FBXL7: variants seen among roughly 807,000 people sequenced by gnomAD.
FBXL7 encodes F-box/LRR-repeat protein 7.
In FBXL7, 12 loss-of-function variants were observed where a neutral mutation model predicts 38.3. The ratio of observed to expected loss-of-function variants is 0.31; its 90% CI spans 0.20 to 0.51. The LOEUF (loss-of-function observed/expected upper bound fraction) is 0.51, where lower values mean the gene tolerates loss of function less well. Among genes scored for constraint, FBXL7 ranks in the 20% least tolerant of loss-of-function variants. The pLI, the probability that FBXL7 is intolerant of heterozygous loss-of-function variation, is 0.98. For missense variants in FBXL7, 567 were observed against 676.4 expected (o/e 0.84, Z 1.79); for synonymous variants, 297 against 300.9 (o/e 0.99, Z 0.13).
At chr5:15,638,477 A>G (rs1257954072) in intron 2 of FBXL7, among the ~76,000 whole-genome samples, 1 of 152,170 alleles carries the variant, frequency 6.6e-6, no homozygotes, top group Non-Finnish European at 1.5e-5. Context: ...GAGAATCGGT[A>G]TTTAAATATA....
At chr5:15,745,227 C>CA (rs79066979) in intron 2 of FBXL7, among the ~76,000 whole-genome samples, 1 of 151,380 alleles carries the variant, frequency 6.6e-6, no homozygotes, top group African/African-American at 2.4e-5. Context: ...TATTATTTCT[C>CA]AAAAAAAAGG....
intron 2 of FBXL7, among the ~76,000 whole-genome samples, chr5:15,785,733 A>C (rs1283909296): frequency 6.6e-6 from 1 of 152,252 alleles, no homozygotes; most frequent in East Asian, 1.9e-4. Context: ...TGAACGTATC[A>C]AAGAGCCTAC....
chr5:15,857,335 T>A (rs1739301458), intron 2 of FBXL7, among the ~76,000 whole-genome samples: 1 of 152,190 alleles, frequency 6.6e-6, no homozygotes. Flanking sequence ...CATTTAATTC[T>A]CATATCAACT....
chr5:15,549,442 T>C (rs1391408543), intron 1 of FBXL7, among the ~76,000 whole-genome samples: 1 of 152,118 alleles, frequency 6.6e-6, no homozygotes, highest in African/African-American at 2.4e-5. Context: ...TTACATCACG[T>C]GGGCCAAATC....
chr5:15,527,641 C>T (rs1156607182), intron 1 of FBXL7, among the ~76,000 whole-genome samples: 2 of 152,200 alleles, frequency 1.3e-5, no homozygotes, highest in African/African-American at 2.4e-5. Context: ...CCTGTAATCT[C>T]ACTACCCAGT....
chr5:15,928,144 T>C lies in FBXL7; in HGVS notation c.382T>C (p.Phe128Leu), dbSNP rs760933979. Residue 128 changes from phenylalanine to leucine, a missense_variant, in exon 3 of 4, where the codon TTC becomes CTC. By Grantham distance (22) the Phe-to-Leu change is conservative. Transcript: ENST00000504595. This position sits in a 1 kb window ranked among gnomAD's most constrained non-coding sequence, Gnocchi z 4.0. ...CCACTCCATGGTGCAGATCTTCTCC[T>C]TCCTGCCCACCAACCAGCTGTGCCG... Reference protein sequence around the residue: ...PDHSMVQIFSFLPTNQLCRCA... With the variant: ...PDHSMVQIFSLLPTNQLCRCA... The C allele has an allele frequency of 9.1e-5, 146 of 1,610,830 alleles. No individual in the cohort carries two copies. The highest frequency in any genetic ancestry group is 1.2e-4 in the Non-Finnish European group (137 of 1,179,130).
At chr5:15,537,640 A>AG (rs1176236671) in intron 1 of FBXL7, among the ~76,000 whole-genome samples, 2 of 152,250 alleles carry the variant, frequency 1.3e-5, no homozygotes, top group African/African-American at 4.8e-5. Context: ...TGGTCCCCGA[A>AG]GGGGGAGGGC....
chr5:15,865,722 T>G (rs1318466322), intron 2 of FBXL7, among the ~76,000 whole-genome samples: 1 of 152,038 alleles, frequency 6.6e-6, no homozygotes, highest in East Asian at 1.9e-4. Flanking sequence ...CCCTTCTCTC[T>G]CCTTAAAATG....
At chr5:15,870,790 A>G (rs1270236141) in intron 2 of FBXL7, among the ~76,000 whole-genome samples, 1 of 152,210 alleles carries the variant, frequency 6.6e-6, no homozygotes, top group Non-Finnish European at 1.5e-5. Flanking sequence ...GGCATCTCTG[A>G]AAGAAAGGCA....
intron 2 of FBXL7, among the ~76,000 whole-genome samples, chr5:15,731,177 T>A (rs1735573078): frequency 6.6e-6 from 1 of 152,102 alleles, no homozygotes; most frequent in African/African-American, 2.4e-5. Flanking sequence ...GGAAGGATCC[T>A]CAAGGGCTGT....
chr5:15,893,856 G>T (rs1446368266), intron 2 of FBXL7, among the ~76,000 whole-genome samples: 1 of 152,090 alleles, frequency 6.6e-6, no homozygotes, highest in East Asian at 1.9e-4. Flanking sequence ...CAATGCATAC[G>T]CCTGGTAAAC....
intron 2 of FBXL7, among the ~76,000 whole-genome samples, chr5:15,695,281 A>T (rs1408450506): frequency 2.0e-5 from 3 of 151,790 alleles, no homozygotes; most frequent in African/African-American, 7.3e-5. Flanking sequence ...CCTGTGTCAG[A>T]CCCTCCCTGG....
chr5:15,630,026 T>G (rs1217021351), intron 2 of FBXL7, among the ~76,000 whole-genome samples: 2 of 152,204 alleles, frequency 1.3e-5, no homozygotes, highest in African/African-American at 4.8e-5. Flanking sequence ...CAAACAACTT[T>G]AAGCAGAATA....
intron 2 of FBXL7, among the ~76,000 whole-genome samples, chr5:15,783,745 G>GA (rs1579459168): frequency 6.6e-6 from 1 of 152,124 alleles, no homozygotes. Flanking sequence ...AGCATTCAGA[G>GA]AAATAGTTAG....
rs545393890 is a variant in FBXL7, at chr5:15,939,229, G to A, written c.*2043G>A. The stretch of plus-strand genomic sequence containing the variant: ...TCATTTAGCTAGGCCAGGATCTAGT[G>A]AAAGCCACAGAGTTTAAAACCATGA... On this transcript the variant is annotated 3_prime_UTR_variant, in exon 4 of 4. Coordinates refer to ENST00000504595, the MANE Select transcript of FBXL7 (RefSeq NM_012304.5). 3.8e-5 allele frequency: 15 copies of A among 394,908 alleles called. No individual in the cohort carries two copies. In the East Asian group the frequency reaches 5.4e-4, roughly 14 times the overall value. 24.5% of individuals were successfully genotyped at this position (394,908 alleles called of 1,614,324 possible). A position where few individuals can be genotyped will look rare whatever the true frequency, so the allele number is the denominator to read the frequency against.
intron 3 of FBXL7, among the ~76,000 whole-genome samples, chr5:15,932,891 A>G (rs1041464360): frequency 3.3e-5 from 5 of 152,116 alleles, no homozygotes; most frequent in African/African-American, 1.2e-4. Context: ...TCTCTTGTGT[A>G]ATTTTTCAAC....
chr5:15,733,493 T>C (rs11750054), intron 2 of FBXL7, among the ~76,000 whole-genome samples: 97,498 of 152,156 alleles, frequency 0.64, 31,786 homozygotes, highest in East Asian at 0.72. Flanking sequence ...TTCATGAATC[T>C]GACAAATATT....
At position 15,936,796 on chromosome 5, in the gene FBXL7, G is replaced by T. The variant is rs373933667; in HGVS notation, c.1086G>T (p.Arg362=). The T allele has an allele frequency of 5.0e-6, 8 of 1,612,246 alleles. No homozygotes were observed. The East Asian group carries it at 1.6e-4, about 31-fold the overall frequency. Residue 362 remains arginine (R), a synonymous_variant, in exon 4 of 4, where the codon CGG becomes CGT. Transcript: ENST00000504595. The surrounding 1 kb of genome is among the most constrained non-coding windows in gnomAD (Gnocchi z 6.0). The part of the protein sequence containing the change: ...LRYLSIAHCG[R]VTDVGIRYVA... ...ACCTGAGCATCGCGCACTGCGGCCG[G>T]GTCACCGACGTGGGCATCCGCTACG...
Position 15,927,941 on chromosome 5 carries a change from G to T in FBXL7, c.179G>T (p.Cys60Phe), listed in dbSNP as rs1262111294. ...AGCACGCCCAGCCCAGCCCTGATAT[G>T]TCCACCGAATCTCCCAGGATTTCAG... ...TLSTPSPALI[C>F]PPNLPGFQNG... The change falls in exon 3 of 4, where the codon TGT (cysteine) becomes TTT (phenylalanine). Residue 60 changes from cysteine to phenylalanine, a missense_variant. Coordinates refer to ENST00000504595, the MANE Select transcript of FBXL7 (RefSeq NM_012304.5). 1 of 1,561,900 alleles carries T rather than the reference G, an allele frequency of 6.4e-7. No homozygotes were observed. Among genetic ancestry groups the T allele is most frequent in the Admixed American group, 1.8e-5 (1 of 55,542 alleles).
Sources: allele counts gnomAD v4.1 joint callset (sites outside exome capture counted in the v4.1 genomes callset), GRCh38; gene constraint gnomAD v4.1.1; non-coding constraint Gnocchi (gnomAD v3.1); transcripts MANE v1.5; gene names NCBI Gene and HGNC (gene_info 2026-07-23, HGNC 2026-07-21).